WWOX: variants seen among roughly 807,000 people sequenced by gnomAD.
The protein encoded by WWOX is WW domain containing oxidoreductase, also known as WW domain-containing oxidoreductase.
A neutral mutation model predicts 46.2 loss-of-function variants in WWOX; 69 were observed. The observed-to-expected ratio is 1.49, with a 90% CI of 1.23 to 1.82. The LOEUF (loss-of-function observed/expected upper bound fraction) is 1.82. Among genes scored for constraint, WWOX ranks in the 40% most tolerant of loss-of-function variants. WWOX has a pLI of 0.00. For synonymous variants in WWOX, 359 were observed against 202.6 expected (o/e 1.77, Z -6.56); for missense variants, 919 against 542.6 (o/e 1.69, Z -6.89).
chr16:78,554,499 A>G (rs1449353302), intron 8 of WWOX, among the ~76,000 whole-genome samples: 6 of 152,206 alleles, frequency 3.9e-5, no homozygotes, highest in Non-Finnish European at 5.9e-5. Flanking sequence ...ATAGATACAT[A>G]CATACACATA....
At chr16:79,032,338 G>C (rs1011971226) in intron 8 of WWOX, among the ~76,000 whole-genome samples, 2 of 145,038 alleles carry the variant, frequency 1.4e-5, no homozygotes, top group African/African-American at 5.0e-5. Flanking sequence ...ATATTATAAT[G>C]TATGTAATAT....
intron 5 of WWOX, among the ~76,000 whole-genome samples, chr16:78,220,480 CT>C (rs1266351702): frequency 6.6e-6 from 1 of 152,030 alleles, no homozygotes; most frequent in East Asian, 1.9e-4. Flanking sequence ...TTTTTAATTT[CT>C]CGACAGTCTC....
chr16:79,110,460 C>T (rs1188900376), intron 8 of WWOX, among the ~76,000 whole-genome samples: 1 of 152,144 alleles, frequency 6.6e-6, no homozygotes, highest in Non-Finnish European at 1.5e-5. Flanking sequence ...GCTCAGATAA[C>T]AGCTGGAGCA....
intron 8 of WWOX, among the ~76,000 whole-genome samples, chr16:78,734,773 A>T (rs1435381992): frequency 6.9e-6 from 1 of 145,602 alleles, no homozygotes; most frequent in East Asian, 2.2e-4. Context: ...GTCTGAATAG[A>T]GCAAATAGAC....
chr16:78,947,406 C>T (rs1160803622), intron 8 of WWOX, among the ~76,000 whole-genome samples: 1 of 152,292 alleles, frequency 6.6e-6, no homozygotes, highest in Non-Finnish European at 1.5e-5. Context: ...GCATTTATTA[C>T]AGCGCAGGTG....
chr16:78,343,774 G>A (rs2081053825), intron 5 of WWOX, among the ~76,000 whole-genome samples: 1 of 120,830 alleles, frequency 8.3e-6, no homozygotes, highest in Non-Finnish European at 2.0e-5. Flanking sequence ...GACATACCAA[G>A]GACTAAAGGA....
chr16:78,594,808 C>T lies in WWOX; in HGVS notation c.1056+162056C>T, dbSNP rs928320703. Reference sequence around the variant, plus strand: ...AGAAAACTCTATAGCCTCAGTCTCTCGGGATGTAAATTAAAGCAATTTCAT... The same window carrying T: ...AGAAAACTCTATAGCCTCAGTCTCTTGGGATGTAAATTAAAGCAATTTCAT... On this transcript the variant is annotated intron_variant, in intron 8 of 8. Coordinates refer to ENST00000566780, the MANE Select transcript of WWOX (RefSeq NM_016373.4). Among the ~76,000 whole-genome samples, 5 of 152,212 alleles carry T rather than the reference C, an allele frequency of 3.3e-5. No homozygotes were observed. In the South Asian group the frequency reaches 6.2e-4, roughly 19 times the overall value.
At chr16:78,212,969 A>C (rs560613119) in intron 5 of WWOX, among the ~76,000 whole-genome samples, 1 of 152,170 alleles carries the variant, frequency 6.6e-6, no homozygotes, top group African/African-American at 2.4e-5. Context: ...AAAGTCATTC[A>C]TGGATCTGGC....
chr16:78,461,302 G>C (rs2083941539), intron 8 of WWOX, among the ~76,000 whole-genome samples: 1 of 152,096 alleles, frequency 6.6e-6, no homozygotes, highest in African/African-American at 2.4e-5. Context: ...ATCGTCTGCT[G>C]CTCTTGCACT....
At chr16:78,192,990 C>G (rs562481392) in intron 5 of WWOX, among the ~76,000 whole-genome samples, 1 of 152,322 alleles carries the variant, frequency 6.6e-6, no homozygotes, top group African/African-American at 2.4e-5. Flanking sequence ...ACACATGTGG[C>G]TGAGGGTTGG....
intron 8 of WWOX, among the ~76,000 whole-genome samples, chr16:79,048,726 C>G (rs941528181): frequency 6.6e-6 from 1 of 152,184 alleles, no homozygotes; most frequent in Admixed American, 6.5e-5. Context: ...GTCTTGCCTG[C>G]AGCAGATGCA....
rs545184338 is a variant in WWOX, at chr16:79,099,438, C to T, written c.1057-112170C>T. Among the ~76,000 whole-genome samples the T allele has an allele frequency of 5.3e-5, 8 of 152,286 alleles. No individual in the cohort carries two copies. The East Asian group carries it at 5.8e-4, about 11-fold the overall frequency. The stretch of plus-strand genomic sequence containing the variant: ...GTGGAGACTGTGGTAAACTGCAGCG[C>T]GCACACTCTGTTAACAGAGGAGGTC... On this transcript the variant is annotated intron_variant, in intron 8 of 8. Transcript: ENST00000566780.
chr16:78,566,183 C>T (rs958247138), intron 8 of WWOX, among the ~76,000 whole-genome samples: 49 of 152,104 alleles, frequency 3.2e-4, no homozygotes, highest in African/African-American at 9.9e-4. Context: ...CTAATCCCAT[C>T]GTACCCCGTC....
intron 8 of WWOX, among the ~76,000 whole-genome samples, chr16:79,197,472 C>A (rs2051263207): frequency 6.6e-6 from 1 of 151,832 alleles, no homozygotes; most frequent in East Asian, 1.9e-4. Flanking sequence ...TGCACTGCCC[C>A]CCTCCAGTGA....
chr16:78,802,709 A>G (rs143760373), intron 8 of WWOX, among the ~76,000 whole-genome samples: 1 of 151,892 alleles, frequency 6.6e-6, no homozygotes, highest in Non-Finnish European at 1.5e-5. Context: ...TGAGGTCAGG[A>G]GTTCAAGATC....
intron 8 of WWOX, among the ~76,000 whole-genome samples, chr16:78,937,536 C>G (rs2151288813): frequency 7.2e-6 from 1 of 138,112 alleles, no homozygotes; most frequent in South Asian, 2.3e-4. Flanking sequence ...TTCAAGTGAT[C>G]TGCCTTGCTT....
intron 5 of WWOX, among the ~76,000 whole-genome samples, chr16:78,222,912 A>C (rs1409725377): frequency 1.3e-5 from 2 of 152,302 alleles, no homozygotes; most frequent in East Asian, 3.9e-4. Context: ...AGGAGATGCA[A>C]ATAGGCTCAG....
intron 8 of WWOX, among the ~76,000 whole-genome samples, chr16:78,771,869 A>C (rs767460527): frequency 1.0e-3 from 159 of 151,890 alleles, no homozygotes; most frequent in Non-Finnish European, 1.9e-3. Context: ...CTCTCTCACA[A>C]AAAAAAAGTT....
chr16:78,123,440 G>GTTTTTTGTTTTTTT (rs2033202143), intron 4 of WWOX: 1 of 50,500 alleles, frequency 2.0e-5, no homozygotes, highest in African/African-American at 8.4e-5. Flanking sequence ...TTTTTGTTTT[G>GTTTTTTGTTTTTTT]TTTTTTTTTT....
Sources: allele counts gnomAD v4.1 joint callset (sites outside exome capture counted in the v4.1 genomes callset), GRCh38; gene constraint gnomAD v4.1.1; transcripts MANE v1.5; gene names NCBI Gene and HGNC (gene_info 2026-07-23, HGNC 2026-07-21).